The following ADK variants were observed in gnomAD, a reference collection of about 807,000 sequenced individuals.
ADK encodes the protein N6,N6-dimethyladenosine kinase.
ADK carries 24 observed loss-of-function variants against 44.7 expected under a neutral mutation model. The observed-to-expected ratio is 0.54, with a 90% CI of 0.39 to 0.76. The LOEUF is 0.76. Among genes scored for constraint, ADK ranks in the 30% least tolerant of loss-of-function variants. The pLI, the probability that ADK is intolerant of heterozygous loss-of-function variation, is 0.00. For missense variants in ADK, 321 were observed against 425.1 expected, an observed-to-expected ratio of 0.76 and a Z score of 2.15; for synonymous variants, 128 against 142.6, an observed-to-expected ratio of 0.90 and a Z score of 0.73.
chr10:74,420,119 A>G (rs182183874), intron 6 of ADK, among the ~76,000 whole-genome samples: 11 of 152,172 alleles, frequency 7.2e-5, no homozygotes, highest in African/African-American at 2.2e-4. Context: ...GCTTAGCCCT[A>G]CATAGTTAAC....
At chr10:74,156,667 G>A (rs1440821247) in intron 1 of ADK, among the ~76,000 whole-genome samples, 3 of 152,172 alleles carry the variant, frequency 2.0e-5, no homozygotes, top group Non-Finnish European at 4.4e-5. Context: ...GGTCAGAATG[G>A]ATCCCAGTAG....
chr10:74,677,261 C>G (rs1439784030), intron 10 of ADK, among the ~76,000 whole-genome samples: 1 of 152,086 alleles, frequency 6.6e-6, no homozygotes, highest in African/African-American at 2.4e-5. Context: ...AAACAAAAAA[C>G]AATTTCATTC....
chr10:74,159,067 A>T (rs1026593879), intron 1 of ADK, among the ~76,000 whole-genome samples: 1 of 152,134 alleles, frequency 6.6e-6, no homozygotes, highest in South Asian at 2.1e-4. Flanking sequence ...GCTCTCATTT[A>T]TGTGTATTAT....
At chr10:74,250,174 G>C (rs1468151480) in intron 3 of ADK, among the ~76,000 whole-genome samples, 2 of 152,140 alleles carry the variant, frequency 1.3e-5, no homozygotes, top group South Asian at 2.1e-4. Flanking sequence ...GCAGTAACTA[G>C]CTATTATATA....
At chr10:74,654,710 G>A (rs908812354) in intron 9 of ADK, among the ~76,000 whole-genome samples, 1 of 152,160 alleles carries the variant, frequency 6.6e-6, no homozygotes, top group African/African-American at 2.4e-5. Context: ...AACTTGGGAG[G>A]CTGAGGCAGG....
At chr10:74,350,909 C>T (rs543678662) in intron 4 of ADK, among the ~76,000 whole-genome samples, 24 of 152,242 alleles carry the variant, frequency 1.6e-4, no homozygotes, top group African/African-American at 5.5e-4. Context: ...AGACCAATAA[C>T]AAGTTCTGAA....
At chr10:74,308,234 A>C (rs1840320433) in intron 3 of ADK, among the ~76,000 whole-genome samples, 2 of 152,164 alleles carry the variant, frequency 1.3e-5, no homozygotes, top group Non-Finnish European at 2.9e-5. Flanking sequence ...ATTAGAGTTG[A>C]ATAAGGGCTT....
chr10:74,454,774 G>A (rs55853157), intron 6 of ADK, among the ~76,000 whole-genome samples: 2 of 152,152 alleles, frequency 1.3e-5, no homozygotes, highest in Admixed American at 1.3e-4. Context: ...AGGTTCAATG[G>A]TGAAATGATA....
intron 1 of ADK, among the ~76,000 whole-genome samples, chr10:74,184,057 A>G (rs1291447387): frequency 2.0e-5 from 3 of 152,028 alleles, no homozygotes; most frequent in African/African-American, 7.2e-5. Flanking sequence ...AGCTGGGATT[A>G]CAGGTGCCCA....
At chr10:74,243,324 G>A (rs986025996) in intron 3 of ADK, among the ~76,000 whole-genome samples, 1 of 152,166 alleles carries the variant, frequency 6.6e-6, no homozygotes, top group African/African-American at 2.4e-5. Flanking sequence ...GCGCTGTGGC[G>A]TGAGTAAACT....
At chr10:74,296,066 CTTTT>C (rs59799489) in intron 3 of ADK, among the ~76,000 whole-genome samples, 10 of 139,934 alleles carry the variant, frequency 7.1e-5, no homozygotes, top group Admixed American at 2.8e-4. Flanking sequence ...TATTTAGCTC[CTTTT>C]TTTTTTTTTT....
At position 74,404,458 on chromosome 10, in the gene ADK, A is replaced by T. The variant is rs143205012; in HGVS notation, c.555+5879A>T. Among the ~76,000 whole-genome samples the T allele has an allele frequency of 6.6e-3, 1,000 of 152,102 alleles. 7 individuals are homozygous for T. Among genetic ancestry groups the T allele is most frequent in the Middle Eastern group, 0.031 (9 of 294 alleles). On this transcript the variant is annotated intron_variant, in intron 6 of 10. Transcript: ENST00000539909. ...ATTCTTTAACATCTCTTGTATTTGG[A>T]TCTGTCAGTAATAAATTCTTTCAGC... is the stretch of plus-strand genomic sequence containing the variant.
chr10:74,331,921 T>G (rs187604643), intron 4 of ADK, among the ~76,000 whole-genome samples: 1 of 152,242 alleles, frequency 6.6e-6, no homozygotes, highest in Non-Finnish European at 1.5e-5. Flanking sequence ...GTTTGCGATC[T>G]TGGCTCACTG....
chr10:74,169,685 A>G (rs939737874), intron 1 of ADK, among the ~76,000 whole-genome samples: 6 of 152,242 alleles, frequency 3.9e-5, no homozygotes, highest in Admixed American at 1.3e-4. Flanking sequence ...AGCAAACAAC[A>G]TAATAGCATT....
At chr10:74,649,638 C>A (rs1047592658) in intron 9 of ADK, among the ~76,000 whole-genome samples, 18 of 149,938 alleles carry the variant, frequency 1.2e-4, no homozygotes, top group Admixed American at 4.0e-4. Context: ...AAAAAAAAAA[C>A]AAATTCTGTC....
At chr10:74,664,251 G>A (rs1244358763) in intron 9 of ADK, among the ~76,000 whole-genome samples, 1 of 152,132 alleles carries the variant, frequency 6.6e-6, no homozygotes, top group Non-Finnish European at 1.5e-5. Context: ...AGATATCCAA[G>A]ATTTTAAAAT....
intron 10 of ADK, among the ~76,000 whole-genome samples, chr10:74,687,854 C>T (rs993227038): frequency 6.6e-6 from 1 of 152,166 alleles, no homozygotes; most frequent in Non-Finnish European, 1.5e-5. Context: ...GTAGTAGTTT[C>T]CTAACTGATG....
Position 74,625,231 on chromosome 10 carries a change from G to A in ADK, c.877+24738G>A, listed in dbSNP as rs551405088. 2.6e-4 allele frequency among the ~76,000 whole-genome samples: 40 copies of A among 152,288 alleles called. No individual in the cohort carries two copies. In the East Asian group the frequency reaches 7.1e-3, roughly 27 times the overall value. On this transcript the variant is annotated intron_variant, in intron 9 of 10. Coordinates refer to ENST00000539909, the MANE Select transcript of ADK (RefSeq NM_006721.4). ...AGTTGGGGAAAGCTTTTCAAAGCAA[G>A]TGATGTATGAACTAGGCCTTGAGGA...
chr10:74,676,344 G>A (rs942050874), intron 10 of ADK, among the ~76,000 whole-genome samples: 7 of 152,062 alleles, frequency 4.6e-5, no homozygotes, highest in African/African-American at 1.7e-4. Context: ...TGGCCAGGCT[G>A]GTCTCGAACT....
Sources: gnomAD v4.1 joint callset for allele counts (sites outside exome capture counted in the v4.1 genomes callset) on GRCh38, gnomAD v4.1.1 for gene constraint, MANE v1.5 for transcripts, NCBI Gene and HGNC (gene_info 2026-07-23, HGNC 2026-07-21) for gene names.